TANGO2: variants seen among roughly 807,000 people sequenced by gnomAD.
TANGO2 encodes the protein transport and golgi organization 2 homolog, also known as transport and Golgi organization protein 2 homolog.
A neutral mutation model predicts 39.1 loss-of-function variants in TANGO2; 26 were observed. That is an observed-to-expected ratio of 0.67 (90% CI 0.49 to 0.92). TANGO2 has a LOEUF of 0.92. TANGO2 is among the 40% of genes least tolerant of loss of function. The probability of loss-of-function intolerance (pLI) is 0.00; values close to 1 mark genes in which losing one functional copy is unlikely to be tolerated. For synonymous variants in TANGO2, 131 were observed against 144.5 expected (o/e 0.91, Z 0.67); for missense variants, 326 against 360.1 (o/e 0.91, Z 0.77).
chr22:20,043,837 G>A (rs1380117371), intron 3 of TANGO2, among the ~76,000 whole-genome samples: 1 of 152,136 alleles, frequency 6.6e-6, no homozygotes, highest in Non-Finnish European at 1.5e-5. Flanking sequence ...GTGTGCCTGT[G>A]TTTGTGTTTC....
chr22:20,027,946 G>A (rs1166042012), intron 1 of TANGO2, among the ~76,000 whole-genome samples: 1 of 152,032 alleles, frequency 6.6e-6, no homozygotes, highest in Non-Finnish European at 1.5e-5. Context: ...TTACAGGCCT[G>A]CACTACCATG....
rs115022277 is a variant in TANGO2 at position 20,023,905 on chromosome 22, G to A, written c.-40+2659G>A. ...TCATAATAAAATGCCATTTAGGCCCGGCACGGTGGCTCACACCTATAATCC... is the reference window on the plus strand; with the variant it reads ...TCATAATAAAATGCCATTTAGGCCCAGCACGGTGGCTCACACCTATAATCC... On this transcript the variant is annotated intron_variant, in intron 1 of 8. Coordinates refer to ENST00000327374, the MANE Select transcript of TANGO2 (RefSeq NM_152906.7). 2.8e-3 allele frequency among the ~76,000 whole-genome samples: 399 copies of A among 142,550 alleles called. 2 individuals are homozygous for A. Among genetic ancestry groups the A allele is most frequent in the African/African-American group, 9.9e-3 (381 of 38,460 alleles). The allele number at this position is 142,550 out of a possible 152,430, so 93.5% of individuals were successfully genotyped here. A position where few individuals can be genotyped will look rare whatever the true frequency, so the allele number is the denominator to read the frequency against.
At chr22:20,046,242 C>T (rs1243365022) in intron 3 of TANGO2, among the ~76,000 whole-genome samples, 1 of 151,960 alleles carries the variant, frequency 6.6e-6, no homozygotes, top group East Asian at 1.9e-4. Context: ...AACTCCTGGC[C>T]TCAAGTGATC....
chr22:20,044,499 A>G (rs1472866168), intron 3 of TANGO2, among the ~76,000 whole-genome samples: 1 of 152,170 alleles, frequency 6.6e-6, no homozygotes, highest in African/African-American at 2.4e-5. Flanking sequence ...GCACTCCAGC[A>G]TGGGTGACAG....
intron 1 of TANGO2, among the ~76,000 whole-genome samples, chr22:20,034,264 C>G (rs1246063105): frequency 1.3e-5 from 2 of 152,218 alleles, no homozygotes; most frequent in African/African-American, 4.8e-5. Flanking sequence ...TTCATCACTT[C>G]CTTTGCCCTG....
At position 20,056,206 on chromosome 22, in the gene TANGO2, C is replaced by T. The variant is rs549998203; in HGVS notation, c.451+193C>T. The T allele has an allele frequency of 5.7e-6, 4 of 698,084 alleles. No individual in the cohort carries two copies. The South Asian group carries it at 6.0e-5, about 10-fold the overall frequency. The allele number at this position is 698,084 out of a possible 1,614,324, so 43.2% of individuals were successfully genotyped here. On this transcript the variant is annotated intron_variant, in intron 6 of 8. Transcript: ENST00000327374. ...CAGAGAGCCCTGGCTCCCTGCTCAC[C>T]CCCTCCCCATGGGCTTTTCCTGCTG...
rs983486776 is a variant in TANGO2, at chr22:20,065,272, G to C, written c.*610G>C. On this transcript the variant is annotated 3_prime_UTR_variant, in exon 9 of 9. Transcript: ENST00000327374. ...GGCGTGCTTGGACTCTTGACAAGCA[G>C]ACCTGCTCCTGCAGAGGAGACAGCC... is the stretch of plus-strand genomic sequence containing the variant. 6.6e-6 allele frequency: 1 copy of C among 152,140 alleles called. No individual in the cohort carries two copies. Among genetic ancestry groups the C allele is most frequent in the Non-Finnish European group, 1.5e-5 (1 of 68,100 alleles). 9.4% of individuals were successfully genotyped at this position (152,140 alleles called of 1,614,324 possible).
At chr22:20,050,552 T>A (rs1439338873) in intron 3 of TANGO2, among the ~76,000 whole-genome samples, 1 of 151,238 alleles carries the variant, frequency 6.6e-6, no homozygotes, top group Non-Finnish European at 1.5e-5. Flanking sequence ...TTAGTAGAGA[T>A]GGGGTTTCAT....
chr22:20,040,987 G>A (rs910192800), intron 2 of TANGO2, among the ~76,000 whole-genome samples: 1 of 152,202 alleles, frequency 6.6e-6, no homozygotes, highest in Non-Finnish European at 1.5e-5. Context: ...TTCCATAGCA[G>A]ACCCCAAGGG....
At position 20,057,793 on chromosome 22, in the gene TANGO2, A is replaced by C. The variant is rs1321468324; in HGVS notation, c.451+1780A>C. Among the ~76,000 whole-genome samples the C allele has an allele frequency of 6.6e-6, 1 of 152,108 alleles. No homozygotes were observed. The highest frequency in any genetic ancestry group is 1.5e-5 in the Non-Finnish European group (1 of 68,014). ...CTGTGACTGCCCAGGAGAGAATTGGAAACTAAAAGGTGCAAAAGCAGTCAG... is the reference window on the plus strand; with the variant it reads ...CTGTGACTGCCCAGGAGAGAATTGGCAACTAAAAGGTGCAAAAGCAGTCAG... On this transcript the variant is annotated intron_variant, in intron 6 of 8. Coordinates refer to ENST00000327374, the MANE Select transcript of TANGO2 (RefSeq NM_152906.7). The surrounding 1 kb of genome is among the most constrained non-coding windows in gnomAD (Gnocchi z 4.1).
chr22:20,021,752 C>G (rs1396367071), intron 1 of TANGO2, among the ~76,000 whole-genome samples: 1 of 152,228 alleles, frequency 6.6e-6, no homozygotes, highest in Non-Finnish European at 1.5e-5. Flanking sequence ...CTTGCCCCAC[C>G]GCTGGGCTTT....
At chr22:20,023,929 C>A (rs529755113) in intron 1 of TANGO2, among the ~76,000 whole-genome samples, 1 of 151,868 alleles carries the variant, frequency 6.6e-6, no homozygotes, top group African/African-American at 2.4e-5. Flanking sequence ...CACCTATAAT[C>A]CCAGCACTTT....
rs551923405 is a variant in TANGO2 at position 20,055,840 on chromosome 22, C to T, written c.381-103C>T. 61 of 1,053,946 alleles carry T rather than the reference C, an allele frequency of 5.8e-5. No homozygotes were observed. The East Asian group carries it at 7.6e-4, about 13-fold the overall frequency. The allele number at this position is 1,053,946 out of a possible 1,614,324, so 65.3% of individuals were successfully genotyped here. On this transcript the variant is annotated intron_variant, in intron 5 of 8. Coordinates refer to ENST00000327374, the MANE Select transcript of TANGO2 (RefSeq NM_152906.7). ...CTGACCTGGCCGCAGCGGGCTACTG[C>T]GCACATCGCTAGCCTCCAGAAACAG...
At chr22:20,048,445 C>T (rs2045670320) in intron 3 of TANGO2, 1 of 152,196 alleles carries the variant, frequency 6.6e-6, no homozygotes, top group Non-Finnish European at 1.5e-5. Flanking sequence ...CTAATAAATA[C>T]ACCATTGTTT....
chr22:20,039,210 A>G (rs1406678700), intron 2 of TANGO2, among the ~76,000 whole-genome samples: 1 of 151,148 alleles, frequency 6.6e-6, no homozygotes, highest in Non-Finnish European at 1.5e-5. Context: ...CTGGGATTAC[A>G]TGCGTGAGCC....
intron 3 of TANGO2, among the ~76,000 whole-genome samples, chr22:20,049,843 T>A (rs532415079): frequency 2.6e-5 from 4 of 152,260 alleles, no homozygotes; most frequent in African/African-American, 9.6e-5. Flanking sequence ...ATGGGTCATG[T>A]GGGGAGAAGT....
At chr22:20,052,895 G>A (rs538562387) in intron 4 of TANGO2, among the ~76,000 whole-genome samples, 5 of 152,248 alleles carry the variant, frequency 3.3e-5, no homozygotes, top group South Asian at 2.1e-4. Flanking sequence ...TATCACTGCC[G>A]CCACTGAGGT....
chr22:20,064,738 T>C lies in TANGO2; in HGVS notation c.*76T>C. ...GGCACTGTGGACAGGAAACCTTCCT[T>C]TGCCATACTGCATTGCACTGCCCGT... is the stretch of plus-strand genomic sequence containing the variant. On this transcript the variant is annotated 3_prime_UTR_variant, in exon 9 of 9. Transcript: ENST00000327374. The C allele has an allele frequency of 6.3e-7, 1 of 1,576,286 alleles. No homozygotes were observed. Among genetic ancestry groups the C allele is most frequent in the Non-Finnish European group, 8.6e-7 (1 of 1,158,388 alleles).
At chr22:20,060,973 G>T (rs908960047) in intron 6 of TANGO2, among the ~76,000 whole-genome samples, 3 of 152,172 alleles carry the variant, frequency 2.0e-5, no homozygotes, top group African/African-American at 7.2e-5. Context: ...CTGGGAGCTT[G>T]TTCAGAGTCT....
Sources: gnomAD v4.1 joint callset for allele counts (sites outside exome capture counted in the v4.1 genomes callset) on GRCh38, gnomAD v4.1.1 for gene constraint, Gnocchi (gnomAD v3.1) non-coding constraint, MANE v1.5 for transcripts, NCBI Gene and HGNC (gene_info 2026-07-23, HGNC 2026-07-21) for gene names.